Variants in STAB2 observed in about 807,000 individuals in gnomAD.
STAB2 encodes stabilin 2.
In STAB2, 288 loss-of-function variants were observed where a neutral mutation model predicts 338.1. The observed-to-expected ratio is 0.85, with a 90% CI of 0.77 to 0.94. The LOEUF (loss-of-function observed/expected upper bound fraction) is 0.94. Among genes scored for constraint, STAB2 ranks in the 40% least tolerant of loss-of-function variants. The pLI, the probability that STAB2 is intolerant of heterozygous loss-of-function variation, is 0.00. For synonymous variants in STAB2, 1,202 were observed against 1,193.3 expected (o/e 1.01, Z -0.15); for missense variants, 3,141 against 3,210.1 (o/e 0.98, Z 0.52).
chr12:103,663,003 GA>G lies in STAB2; in HGVS notation c.2022+9del. 6.2e-7 allele frequency: 1 copy of G among 1,613,770 alleles called. No individual in the cohort carries two copies. The highest frequency in any genetic ancestry group is 8.5e-7 in the Non-Finnish European group (1 of 1,179,844). ...ACAAAGAGAGAGATGAAACTGGTAA[GA>G]AAACTAGGAAAATAAGTAAGGGCCC... On this transcript the variant is annotated splice_donor_region_variant and intron_variant, in intron 18 of 68. Coordinates refer to ENST00000388887, the MANE Select transcript of STAB2 (RefSeq NM_017564.10).
chr12:103,762,787 T>C (rs10861092), intron 67 of STAB2, among the ~76,000 whole-genome samples: 58,082 of 152,100 alleles, frequency 0.38, 11,709 homozygotes, highest in East Asian at 0.71. Flanking sequence ...CTCTGAGAAC[T>C]GGGGGACAGG....
intron 46 of STAB2, among the ~76,000 whole-genome samples, chr12:103,726,758 CTAAAA>C (rs1369857237): frequency 1.3e-5 from 2 of 151,934 alleles, no homozygotes; most frequent in African/African-American, 2.4e-5. Flanking sequence ...ATATAAAAAA[CTAAAA>C]TAAAATCATA....
chr12:103,652,011 C>A lies in STAB2; in HGVS notation c.1258-545C>A, dbSNP rs1873780418. Among the ~76,000 whole-genome samples the A allele has an allele frequency of 3.9e-5, 6 of 152,224 alleles. No individual in the cohort carries two copies. In the South Asian group the frequency reaches 1.2e-3, roughly 31 times the overall value. ...AGGCTAGGCACTTTGCACGTGGTCT[C>A]TCATTTAACACATAGTTTACACAGA... On this transcript the variant is annotated intron_variant, in intron 11 of 68. Coordinates refer to ENST00000388887, the MANE Select transcript of STAB2 (RefSeq NM_017564.10).
In STAB2 at chr12:103,662,272, A is replaced by C. The variant is rs1874689044; in HGVS notation, c.1870-574A>C. Reference sequence around the variant, plus strand: ...AATGGGGGTGAAGACAGAGGAAGCCAGGATAACTCATGGAGCTTGACTTGA... The same window carrying C: ...AATGGGGGTGAAGACAGAGGAAGCCCGGATAACTCATGGAGCTTGACTTGA... On this transcript the variant is annotated intron_variant, in intron 17 of 68. Transcript: ENST00000388887. 3.9e-5 allele frequency among the ~76,000 whole-genome samples: 6 copies of C among 152,328 alleles called. No homozygotes were observed. In the South Asian group the frequency reaches 1.2e-3, roughly 32 times the overall value.
At position 103,689,969 on chromosome 12, in the gene STAB2, C is replaced by G; in HGVS notation, c.3169C>G (p.Pro1057Ala). The change falls in exon 29 of 69, where the codon CCA (proline) becomes GCA (alanine). Residue 1057 changes from proline (P) to alanine (A), a missense_variant. Pro to Ala is a conservative substitution (Grantham distance 27, BLOSUM62 -1). Transcript: ENST00000388887. ...CTTCTGGTTGTCACAGAGCAATATT[C>G]CAGCCCTAATAAAGTAGGTGTTACT... The part of the protein sequence containing the change: ...KSFWLSQSNI[P>A]ALIKYHMLLG... 1 of 1,613,362 alleles carries G rather than the reference C, an allele frequency of 6.2e-7. No individual in the cohort carries two copies. The highest frequency in any genetic ancestry group is 8.5e-7 in the Non-Finnish European group (1 of 1,179,776).
At chr12:103,677,827 A>G (rs1448039035) in intron 25 of STAB2, among the ~76,000 whole-genome samples, 6 of 152,250 alleles carry the variant, frequency 3.9e-5, no homozygotes, top group Non-Finnish European at 5.9e-5. Context: ...CTATTTGCAT[A>G]AATCACATAG....
intron 8 of STAB2, among the ~76,000 whole-genome samples, chr12:103,639,909 C>T (rs557776395): frequency 6.6e-6 from 1 of 152,140 alleles, no homozygotes; most frequent in Admixed American, 6.5e-5. Flanking sequence ...TGAAGCTAAA[C>T]TTTATAAGCA....
chr12:103,737,525 C>A, intron 52 of STAB2, 109 bp from the exon 53 acceptor site: 1 of 1,222,022 alleles, frequency 8.2e-7, no homozygotes, highest in Non-Finnish European at 1.1e-6. Flanking sequence ...CAGTTACTGG[C>A]CATGTTACAT....
chr12:103,695,508 T>C (rs1320796718), intron 31 of STAB2, 42 bp from the exon 32 acceptor site: 1 of 1,606,358 alleles, frequency 6.2e-7, no homozygotes, highest in Non-Finnish European at 8.5e-7. Flanking sequence ...CAGTAGGTCC[T>C]ACCAAAACAT....
intron 5 of STAB2, among the ~76,000 whole-genome samples, chr12:103,628,109 C>T (rs2138656094): frequency 6.6e-6 from 1 of 152,282 alleles, no homozygotes; most frequent in Admixed American, 6.5e-5. Flanking sequence ...AAATCCACAG[C>T]CATAGGTAGA....
intron 21 of STAB2, among the ~76,000 whole-genome samples, chr12:103,670,322 A>G (rs1024004887): frequency 5.2e-4 from 79 of 152,184 alleles, no homozygotes; most frequent in African/African-American, 1.8e-3. Flanking sequence ...TATGTTTACC[A>G]CTGAAGAGAG....
chr12:103,652,631 A>G lies in STAB2; in HGVS notation c.1333A>G (p.Ile445Val), dbSNP rs1383804755. The change falls in exon 12 of 69, where the codon ATC (isoleucine) becomes GTC (valine). Residue 445 changes from isoleucine to valine, a missense_variant. Coordinates refer to ENST00000388887, the MANE Select transcript of STAB2 (RefSeq NM_017564.10). Reference protein sequence around the residue: ...KLHIIAGQMNIEYMNNTDMFY... With the variant: ...KLHIIAGQMNVEYMNNTDMFY... Reference sequence around the variant, plus strand: ...CCACATAATTGCTGGTCAGATGAACATCGAATATATGAATAACACAGACAT... The same window carrying G: ...CCACATAATTGCTGGTCAGATGAACGTCGAATATATGAATAACACAGACAT... 1.2e-6 allele frequency: 2 copies of G among 1,610,748 alleles called. No homozygotes were observed. Among genetic ancestry groups the G allele is most frequent in the Admixed American group, 3.4e-5 (2 of 59,592 alleles).
At position 103,728,891 on chromosome 12, in the gene STAB2, C is replaced by T. The variant is rs751599657; in HGVS notation, c.4978C>T (p.Arg1660Trp). The change falls in exon 48 of 69, where the codon CGG (arginine) becomes TGG (tryptophan). Residue 1660 changes from arginine to tryptophan, a missense_variant. By Grantham distance (101) the Arg-to-Trp change is moderately radical (BLOSUM62 -3). Transcript: ENST00000388887. ...ATACGGTTTAATGCCCCAGGTTCTT[C>T]GGTACCATGTGGTCGCCTGCCACCA... ...DKYGLMPQVL[R>W]YHVVACHQLL... 26 of 1,613,828 alleles carry T rather than the reference C, an allele frequency of 1.6e-5. No individual in the cohort carries two copies. The Admixed American group carries it at 2.0e-4, about 12-fold the overall frequency.
At chr12:103,686,978 T>G (rs796870937) in intron 27 of STAB2, among the ~76,000 whole-genome samples, 38 of 152,346 alleles carry the variant, frequency 2.5e-4, no homozygotes, top group African/African-American at 8.9e-4. Context: ...TCTGCTCTTG[T>G]GTTTATTCAC....
intron 5 of STAB2, among the ~76,000 whole-genome samples, chr12:103,629,459 C>T (rs745905092): frequency 2.2e-4 from 33 of 152,158 alleles, no homozygotes; most frequent in Non-Finnish European, 3.7e-4. Flanking sequence ...AGCTGTCAGG[C>T]ATTAACAAAC....
intron 31 of STAB2, among the ~76,000 whole-genome samples, chr12:103,694,799 A>G (rs1878253730): frequency 1.3e-5 from 2 of 152,252 alleles, no homozygotes; most frequent in Middle Eastern, 6.8e-3. Context: ...TAGAATGCAA[A>G]GGTGAAAATA....
intron 19 of STAB2, 106 bp downstream of exon 19, chr12:103,666,459 G>T (rs1875112726): frequency 4.1e-6 from 5 of 1,213,884 alleles, no homozygotes. Context: ...ATTGCAGCTG[G>T]GGTAATATAA....
intron 57 of STAB2, 72 bp from the exon 58 acceptor site, chr12:103,746,525 G>C: frequency 6.9e-7 from 1 of 1,446,456 alleles, no homozygotes; most frequent in Non-Finnish European, 9.7e-7. Flanking sequence ...GAGAGTCTTG[G>C]AAAGTCTCCT....
At chr12:103,743,755 A>G (rs1416300340) in intron 56 of STAB2, among the ~76,000 whole-genome samples, 1 of 152,224 alleles carries the variant, frequency 6.6e-6, no homozygotes, top group Non-Finnish European at 1.5e-5. Flanking sequence ...TCCAGGTGAG[A>G]TGAGCAAGTG....
Sources: gnomAD v4.1 joint callset for allele counts (sites outside exome capture counted in the v4.1 genomes callset) on GRCh38, gnomAD v4.1.1 for gene constraint, MANE v1.5 for transcripts, NCBI Gene and HGNC (gene_info 2026-07-23, HGNC 2026-07-21) for gene names.